The following PTPRN2 variants were observed in gnomAD, a reference collection of about 807,000 sequenced individuals.
PTPRN2 encodes protein tyrosine phosphatase receptor type N2, also known as receptor-type tyrosine-protein phosphatase N2.
A neutral mutation model predicts 118.8 loss-of-function variants in PTPRN2; 74 were observed. That is an observed-to-expected ratio of 0.62 (90% CI 0.52 to 0.76). The LOEUF (loss-of-function observed/expected upper bound fraction) is 0.76. Among genes scored for constraint, PTPRN2 ranks in the 30% least tolerant of loss-of-function variants. The pLI is 0.00. For missense variants in PTPRN2, 1,481 were observed against 1,394.4 expected (o/e 1.06, Z -0.99); for synonymous variants, 641 against 608.0 (o/e 1.05, Z -0.80).
At chr7:158,096,554 A>T (rs1455432717) in intron 10 of PTPRN2, among the ~76,000 whole-genome samples, 1 of 152,224 alleles carries the variant, frequency 6.6e-6, no homozygotes, top group Non-Finnish European at 1.5e-5. Flanking sequence ...CATCTTAAAG[A>T]CGGGACGGGG....
chr7:158,567,310 G>T (rs1297350860), intron 1 of PTPRN2, among the ~76,000 whole-genome samples: 2 of 152,224 alleles, frequency 1.3e-5, no homozygotes, highest in African/African-American at 4.8e-5. Flanking sequence ...CCCAGCGTTT[G>T]CTGGGCTGGA....
intron 11 of PTPRN2, among the ~76,000 whole-genome samples, chr7:157,930,005 C>T (rs1309342220): frequency 6.6e-6 from 1 of 152,256 alleles, no homozygotes; most frequent in Non-Finnish European, 1.5e-5. Context: ...TGGGCCATCA[C>T]CCGTCGCTCA....
intron 2 of PTPRN2, among the ~76,000 whole-genome samples, chr7:158,331,554 C>T (rs1195106722): frequency 7.1e-6 from 1 of 141,594 alleles, no homozygotes; most frequent in Non-Finnish European, 1.5e-5. Flanking sequence ...GAGCTGACAC[C>T]CGCAGACGTC....
intron 11 of PTPRN2, among the ~76,000 whole-genome samples, chr7:157,980,407 A>G (rs929331271): frequency 9.9e-5 from 15 of 152,214 alleles, no homozygotes; most frequent in African/African-American, 1.7e-4. Context: ...TATTTGTCGG[A>G]GTTGGAAAAG....
intron 2 of PTPRN2, among the ~76,000 whole-genome samples, chr7:158,423,909 G>T (rs1217455614): frequency 6.6e-6 from 1 of 152,216 alleles, no homozygotes; most frequent in East Asian, 1.9e-4. Context: ...ACGGAGTTCT[G>T]CTGTGGTCTG....
intron 12 of PTPRN2, among the ~76,000 whole-genome samples, chr7:157,896,883 C>A (rs1262779497): frequency 5.3e-5 from 8 of 152,004 alleles, no homozygotes; most frequent in African/African-American, 1.9e-4. Flanking sequence ...CACCAGGCAC[C>A]ACACTTGTCA....
intron 11 of PTPRN2, among the ~76,000 whole-genome samples, chr7:158,071,783 G>GCC: frequency 8.1e-6 from 1 of 124,172 alleles, no homozygotes; most frequent in Non-Finnish European, 1.7e-5. Flanking sequence ...AGGTGCTTGT[G>GCC]GTGGTGGAGG....
rs1037340553 is a variant in PTPRN2 at position 157,604,761 on chromosome 7, C to T, written c.2345-686G>A. Among the ~76,000 whole-genome samples the T allele has an allele frequency of 7.2e-5, 11 of 152,326 alleles. No homozygotes were observed. In the East Asian group the frequency reaches 1.9e-3, roughly 27 times the overall value. ...CGCTCGGACAGACAGAGTAACCTGA[C>T]GGCTGCTGAAGCCGGGCGCAGCGGG... On this transcript the variant is annotated intron_variant, in intron 15 of 22. Coordinates refer to ENST00000389418, the MANE Select transcript of PTPRN2 (RefSeq NM_002847.5).
At chr7:158,221,872 T>C (rs768810357) in intron 3 of PTPRN2, among the ~76,000 whole-genome samples, 2 of 152,010 alleles carry the variant, frequency 1.3e-5, no homozygotes, top group African/African-American at 4.8e-5. Context: ...GGAACTTAAA[T>C]TATTCAACAA....
At chr7:157,871,479 G>A (rs540772710) in intron 12 of PTPRN2, among the ~76,000 whole-genome samples, 10 of 152,190 alleles carry the variant, frequency 6.6e-5, no homozygotes, top group South Asian at 4.1e-4. Context: ...ACTCAAGGTC[G>A]CGTTCATCGG....
intron 3 of PTPRN2, among the ~76,000 whole-genome samples, chr7:158,230,596 A>C (rs898702892): frequency 2.6e-5 from 4 of 152,100 alleles, no homozygotes; most frequent in Admixed American, 6.5e-5. Flanking sequence ...TTATCTCTTT[A>C]AGATAACTTG....
chr7:157,756,159 G>A (rs1801766255), intron 12 of PTPRN2, among the ~76,000 whole-genome samples: 1 of 152,302 alleles, frequency 6.6e-6, no homozygotes, highest in East Asian at 1.9e-4. Context: ...TTACGTGTAT[G>A]TGTTTTTAAG....
At chr7:158,114,968 T>C (rs996200788) in intron 9 of PTPRN2, among the ~76,000 whole-genome samples, 7 of 152,106 alleles carry the variant, frequency 4.6e-5, no homozygotes. Context: ...TCCTCACCCA[T>C]TAAGGGATTG....
Position 157,764,252 on chromosome 7 carries a change from C to T in PTPRN2, c.1789-81315G>A, listed in dbSNP as rs28464893. On this transcript the variant is annotated intron_variant, in intron 12 of 22. Coordinates refer to ENST00000389418, the MANE Select transcript of PTPRN2 (RefSeq NM_002847.5). The surrounding 1 kb of genome is among the most constrained non-coding windows in gnomAD (Gnocchi z 4.5). ...GGCATATGCCCAAAAGCACCGAATG[C>T]AGTGACTCAGAGAGAGATTCGCACG... is the stretch of plus-strand genomic sequence containing the variant. Among the ~76,000 whole-genome samples, 11,370 of 152,280 alleles carry T rather than the reference C, an allele frequency of 0.075. 523 individuals are homozygous for T. Among genetic ancestry groups the T allele is most frequent in the African/African-American group, 0.12 (4,866 of 41,536 alleles).
At position 157,801,046 on chromosome 7, in the gene PTPRN2, C is replaced by G. The variant is rs553042223; in HGVS notation, c.1788+97627G>C. ...ACATATATATACACATATATATACA[C>G]ATATATACACATATATATACACATA... On this transcript the variant is annotated intron_variant, in intron 12 of 22. Coordinates refer to ENST00000389418, the MANE Select transcript of PTPRN2 (RefSeq NM_002847.5). This position sits in a 1 kb window ranked among gnomAD's most constrained non-coding sequence, Gnocchi z 4.2. 3.4e-5 allele frequency among the ~76,000 whole-genome samples: 5 copies of G among 146,848 alleles called. No individual in the cohort carries two copies. Among genetic ancestry groups the G allele is most frequent in the African/African-American group, 1.3e-4 (5 of 39,864 alleles).
At chr7:158,087,069 C>T (rs1040815452) in intron 10 of PTPRN2, among the ~76,000 whole-genome samples, 1 of 152,198 alleles carries the variant, frequency 6.6e-6, no homozygotes, top group Non-Finnish European at 1.5e-5. Context: ...ATTGGAGGAT[C>T]GGGCAGGATA....
In PTPRN2 at chr7:157,794,577, A is replaced by G. The variant is rs1288900932; in HGVS notation, c.1788+104096T>C. Among the ~76,000 whole-genome samples the G allele has an allele frequency of 6.6e-6, 1 of 152,218 alleles. No homozygotes were observed. The highest frequency in any genetic ancestry group is 2.4e-5 in the African/African-American group (1 of 41,450). On this transcript the variant is annotated intron_variant, in intron 12 of 22. Coordinates refer to ENST00000389418, the MANE Select transcript of PTPRN2 (RefSeq NM_002847.5). This position sits in a 1 kb window ranked among gnomAD's most constrained non-coding sequence, Gnocchi z 5.2. ...CTCACTGTCACTCTCCGCTTTGTTT[A>G]AATGTGGGGATTTCATTTCTTCATC...
chr7:157,639,754 C>T (rs1035185168), intron 14 of PTPRN2, among the ~76,000 whole-genome samples: 18 of 152,192 alleles, frequency 1.2e-4, no homozygotes, highest in African/African-American at 4.1e-4. Context: ...TGGACCCGAG[C>T]CCCCCACATA....
rs528009268 is a variant in PTPRN2 at position 157,785,821 on chromosome 7, T to A, written c.1789-102884A>T. ...AGCTGAGACGCGCAGGGGGCCCAGC[T>A]GAAGCCTGCGTTTTCCCTTCTGCAC... On this transcript the variant is annotated intron_variant, in intron 12 of 22. Coordinates refer to ENST00000389418, the MANE Select transcript of PTPRN2 (RefSeq NM_002847.5). This position sits in a 1 kb window ranked among gnomAD's most constrained non-coding sequence, Gnocchi z 7.3. Among the ~76,000 whole-genome samples, 1 of 152,280 alleles carries A rather than the reference T, an allele frequency of 6.6e-6. No individual in the cohort carries two copies. The highest frequency in any genetic ancestry group is 1.9e-4 in the East Asian group (1 of 5,168).
Sources: gnomAD v4.1 joint callset for allele counts (sites outside exome capture counted in the v4.1 genomes callset) on GRCh38, gnomAD v4.1.1 for gene constraint, Gnocchi (gnomAD v3.1) non-coding constraint, MANE v1.5 for transcripts, NCBI Gene and HGNC (gene_info 2026-07-23, HGNC 2026-07-21) for gene names.